ATG5: variants seen among roughly 807,000 people sequenced by gnomAD.
The protein encoded by ATG5 is autophagy related 5.
A neutral mutation model predicts 36.5 loss-of-function variants in ATG5; 14 were observed. The ratio of observed to expected loss-of-function variants is 0.38; its 90% CI spans 0.25 to 0.60. The LOEUF (loss-of-function observed/expected upper bound fraction) is 0.60. Among genes scored for constraint, ATG5 ranks in the 20% least tolerant of loss-of-function variants. The probability of loss-of-function intolerance (pLI) is 0.60; values close to 1 mark genes in which losing one functional copy is unlikely to be tolerated. For synonymous variants in ATG5, 95 were observed against 101.5 expected (o/e 0.94, Z 0.38); for missense variants, 195 against 326.7 (o/e 0.60, Z 3.11).
chr6:106,205,535 A>T (rs9373838), intron 6 of ATG5, among the ~76,000 whole-genome samples: 6,713 of 152,294 alleles, frequency 0.044, 407 homozygotes, highest in East Asian at 0.24. Flanking sequence ...TGCAACTATT[A>T]TGTATCCATA....
At chr6:106,262,979 ACC>A (rs1779087479) in intron 5 of ATG5, among the ~76,000 whole-genome samples, 1 of 152,126 alleles carries the variant, frequency 6.6e-6, no homozygotes, top group African/African-American at 2.4e-5. Context: ...GGCGCCTGGA[ACC>A]CCAGAGAGAC....
intron 3 of ATG5, among the ~76,000 whole-genome samples, chr6:106,303,813 C>T (rs1770308253): frequency 6.6e-6 from 1 of 152,002 alleles, no homozygotes; most frequent in South Asian, 2.1e-4. Context: ...GTGATACAAT[C>T]ATATAATTAG....
intron 5 of ATG5, among the ~76,000 whole-genome samples, chr6:106,269,317 G>T (rs569471430): frequency 5.7e-4 from 87 of 152,342 alleles, no homozygotes; most frequent in Admixed American, 3.3e-3. Flanking sequence ...AGACATAAAG[G>T]TTCTCCACGT....
At chr6:106,306,244 T>A (rs1372238971) in intron 3 of ATG5, among the ~76,000 whole-genome samples, 1 of 152,136 alleles carries the variant, frequency 6.6e-6, no homozygotes, top group Non-Finnish European at 1.5e-5. Flanking sequence ...CAAGGAGAAA[T>A]GGGTCCAAAC....
chr6:106,239,697 C>T (rs1263099428), intron 6 of ATG5, among the ~76,000 whole-genome samples: 1 of 152,210 alleles, frequency 6.6e-6, no homozygotes, highest in Non-Finnish European at 1.5e-5. Flanking sequence ...GCATATTCAT[C>T]CAGTGGGAAA....
rs530875737 is a variant in ATG5, at chr6:106,304,457, T to C, written c.236+3907A>G. The stretch of plus-strand genomic sequence containing the variant: ...GTCCATCAGTTAATGAATAAACAAT[T>C]TGTGGTATAACCATACAGTGGGATA... On this transcript the variant is annotated intron_variant, in intron 3 of 7. Coordinates refer to ENST00000369076, the MANE Select transcript of ATG5 (RefSeq NM_004849.4). Among the ~76,000 whole-genome samples, 22 of 152,196 alleles carry C rather than the reference T, an allele frequency of 1.4e-4. No homozygotes were observed. In the South Asian group the frequency reaches 3.3e-3, roughly 23 times the overall value.
chr6:106,239,330 TAAAAC>T (rs1316444369), intron 6 of ATG5, among the ~76,000 whole-genome samples: 2 of 152,002 alleles, frequency 1.3e-5, no homozygotes, highest in Non-Finnish European at 2.9e-5. Context: ...ATGCAGAACA[TAAAAC>T]AAAATCTGAA....
chr6:106,263,765 C>T (rs967733916), intron 5 of ATG5, among the ~76,000 whole-genome samples: 1 of 151,636 alleles, frequency 6.6e-6, no homozygotes, highest in South Asian at 2.1e-4. Context: ...AGAAGAGGGG[C>T]CCTAACAAAA....
intron 6 of ATG5, among the ~76,000 whole-genome samples, chr6:106,214,100 T>C (rs1776950198): frequency 6.6e-6 from 1 of 152,216 alleles, no homozygotes; most frequent in African/African-American, 2.4e-5. Flanking sequence ...ACACATGATA[T>C]CTGCTTCAAC....
At chr6:106,285,413 T>C (rs1780039408) in intron 4 of ATG5, among the ~76,000 whole-genome samples, 1 of 152,228 alleles carries the variant, frequency 6.6e-6, no homozygotes, top group African/African-American at 2.4e-5. Flanking sequence ...AGTCAAGTAG[T>C]TGTTGATTGT....
intron 6 of ATG5, among the ~76,000 whole-genome samples, chr6:106,204,361 GTGTT>G (rs1159478503): frequency 6.6e-6 from 1 of 152,092 alleles, no homozygotes; most frequent in Middle Eastern, 3.2e-3. Context: ...ATATATTTGA[GTGTT>G]TGTGACAAGT....
intron 5 of ATG5, among the ~76,000 whole-genome samples, chr6:106,256,738 T>G (rs1778814438): frequency 6.6e-6 from 1 of 152,150 alleles, no homozygotes; most frequent in Admixed American, 6.5e-5. Flanking sequence ...CACCCCTGTA[T>G]AGTGCACGTA....
chr6:106,244,475 CA>C (rs1055478789), intron 6 of ATG5, among the ~76,000 whole-genome samples: 3 of 152,204 alleles, frequency 2.0e-5, no homozygotes, highest in African/African-American at 7.2e-5. Context: ...CCTTTGCCTA[CA>C]AAGCTCTTCT....
chr6:106,257,210 C>T (rs1009657227), intron 5 of ATG5, among the ~76,000 whole-genome samples: 24 of 152,136 alleles, frequency 1.6e-4, no homozygotes, highest in African/African-American at 3.1e-4. Flanking sequence ...CCAATGAAAA[C>T]GATGCCTTCC....
intron 5 of ATG5, among the ~76,000 whole-genome samples, chr6:106,268,954 G>T (rs1336835674): frequency 6.6e-6 from 1 of 152,034 alleles, no homozygotes; most frequent in African/African-American, 2.4e-5. Context: ...ATAGATGACG[G>T]GTTGATAGGT....
rs1201562176 is a variant in ATG5, at chr6:106,278,152, G to A, written c.478+1509C>T. On this transcript the variant is annotated intron_variant, in intron 5 of 7. Transcript: ENST00000369076. ...GATGAGGTCTTGCTATGTTGCCCAG[G>A]CTGGTCTCCAACTCCTAGCCTCAAG... Among the ~76,000 whole-genome samples the A allele has an allele frequency of 5.9e-5, 9 of 152,048 alleles. 1 individual carries two copies. The South Asian group carries it at 8.3e-4, about 14-fold the overall frequency.
chr6:106,219,660 T>G (rs9372120), intron 6 of ATG5, among the ~76,000 whole-genome samples: 23,624 of 152,072 alleles, frequency 0.16, 2,178 homozygotes, highest in Non-Finnish European at 0.2. Context: ...CAAACATCAG[T>G]AGAATTTGGT....
At chr6:106,293,775 G>T (rs879853616) in intron 3 of ATG5, among the ~76,000 whole-genome samples, 12 of 152,084 alleles carry the variant, frequency 7.9e-5, no homozygotes, top group Non-Finnish European at 1.5e-4. Flanking sequence ...ATTACCCACA[G>T]TGAAGTAAAT....
chr6:106,262,654 T>C (rs1466993555), intron 5 of ATG5, among the ~76,000 whole-genome samples: 1 of 150,632 alleles, frequency 6.6e-6, no homozygotes, highest in Non-Finnish European at 1.5e-5. Flanking sequence ...CCAACTGAGG[T>C]ACCCAGGTCA....
Sources: allele counts gnomAD v4.1 joint callset (sites outside exome capture counted in the v4.1 genomes callset), GRCh38; gene constraint gnomAD v4.1.1; transcripts MANE v1.5; gene names NCBI Gene and HGNC (gene_info 2026-07-23, HGNC 2026-07-21).